Variants in MTMR3 observed in about 807,000 individuals in gnomAD.
MTMR3 encodes myotubularin related protein 3.
MTMR3 carries 32 observed loss-of-function variants against 132.4 expected under a neutral mutation model. The observed-to-expected ratio is 0.24, with a 90% CI of 0.18 to 0.32. The LOEUF is 0.32. Among genes scored for constraint, MTMR3 ranks in the 10% least tolerant of loss-of-function variants. The pLI, the probability that MTMR3 is intolerant of heterozygous loss-of-function variation, is 1.00. For synonymous variants in MTMR3, 556 were observed against 550.3 expected (o/e 1.01, Z -0.14); for missense variants, 1,216 against 1,489.6 (o/e 0.82, Z 3.02).
intron 1 of MTMR3, among the ~76,000 whole-genome samples, chr22:29,899,397 G>T (rs1469359729): frequency 6.6e-6 from 1 of 152,146 alleles, no homozygotes; most frequent in Non-Finnish European, 1.5e-5. Context: ...ATGTTATTGT[G>T]AGTAGAATAT....
chr22:29,885,873 G>T (rs943090014), intron 1 of MTMR3, among the ~76,000 whole-genome samples: 6 of 152,212 alleles, frequency 3.9e-5, no homozygotes, highest in African/African-American at 1.2e-4. Flanking sequence ...GTTTTAGAGG[G>T]GGGTGTGGTG....
intron 1 of MTMR3, among the ~76,000 whole-genome samples, chr22:29,883,732 T>TGG (rs1247974936): frequency 6.6e-6 from 1 of 151,248 alleles, no homozygotes; most frequent in Non-Finnish European, 1.5e-5. Context: ...TCCCGGGAGG[T>TGG]GGGTGTGCGC....
chr22:29,925,597 A>G (rs2065500362), intron 1 of MTMR3, among the ~76,000 whole-genome samples: 1 of 151,318 alleles, frequency 6.6e-6, no homozygotes, highest in South Asian at 2.1e-4. Context: ...TGTAATTCAT[A>G]GGCCATAAAA....
At chr22:29,905,653 T>G (rs1282505858) in intron 1 of MTMR3, among the ~76,000 whole-genome samples, 1 of 152,248 alleles carries the variant, frequency 6.6e-6, no homozygotes, top group Non-Finnish European at 1.5e-5. Context: ...TAAATGAAGT[T>G]GTTTGAATTT....
intron 1 of MTMR3, among the ~76,000 whole-genome samples, chr22:29,940,964 T>C (rs2051797767): frequency 6.7e-6 from 1 of 149,916 alleles, no homozygotes; most frequent in African/African-American, 2.5e-5. Flanking sequence ...ATGATCTTGA[T>C]TTTATGATCT....
intron 1 of MTMR3, among the ~76,000 whole-genome samples, chr22:29,895,295 T>TTTAAA (rs548166211): frequency 0.011 from 1,618 of 152,272 alleles, 31 homozygotes; most frequent in African/African-American, 0.038. Flanking sequence ...GATTGTGAAT[T>TTTAAA]TTAAATCATT....
rs149003322 is a variant in MTMR3, at chr22:30,020,142, T to C, written c.2483T>C (p.Leu828Pro). 3.7e-6 allele frequency: 6 copies of C among 1,614,250 alleles called. No individual in the cohort carries two copies. In the African/African-American group the frequency reaches 8.0e-5, roughly 22 times the overall value. ...TATGGTACCTCACAGTCATGTTCTC[T>C]GCTACCTTCCCAAGTCCCTTTTGAG... ...VGYGTSQSCS[L>P]LPSQVPFETR... Residue 828 changes from leucine (L) to proline (P), a missense_variant, in exon 17 of 20, where the codon CTG becomes CCG. By Grantham distance (98) the Leu-to-Pro change is moderately conservative. Around this residue, in one of 7 missense-constraint regions of MTMR3, gnomAD observed 852 missense variants for 852.0 expected, o/e 1.00. Coordinates refer to ENST00000401950, the MANE Select transcript of MTMR3 (RefSeq NM_021090.4).
chr22:29,919,195 T>G (rs573183260), intron 1 of MTMR3, among the ~76,000 whole-genome samples: 10 of 152,364 alleles, frequency 6.6e-5, no homozygotes, highest in Admixed American at 5.9e-4. Flanking sequence ...GTTTTTTGCT[T>G]CTTGTTCTTC....
intron 1 of MTMR3, among the ~76,000 whole-genome samples, chr22:29,889,515 G>C (rs1383062547): frequency 6.6e-6 from 1 of 151,850 alleles, no homozygotes; most frequent in African/African-American, 2.4e-5. Flanking sequence ...TCGAACTCCT[G>C]ACCTCAGGTG....
chr22:30,017,995 C>T lies in MTMR3; in HGVS notation c.1743C>T (p.Ser581=), dbSNP rs746907543. 24 of 1,613,932 alleles carry T rather than the reference C, an allele frequency of 1.5e-5. 1 individual carries two copies. In the South Asian group the frequency reaches 2.5e-4, roughly 17 times the overall value. Residue 581 remains serine, a synonymous_variant, in exon 16 of 20, where the codon TCC becomes TCT. Transcript: ENST00000401950. Reference sequence around the variant, plus strand: ...GTGCAGTGTACCTGCCCTGCCCATCCCCAACCACCCCTGTGGACGACAGCT... The same window carrying T: ...GTGCAGTGTACCTGCCCTGCCCATCTCCAACCACCCCTGTGGACGACAGCT... ...LWSAVYLPCP[S]PTTPVDDSCA... is the part of the protein sequence containing the mutation.
Position 30,012,383 on chromosome 22 carries a change from T to G in MTMR3, c.1137T>G (p.Leu379=), listed in dbSNP as rs147773147. The G allele has an allele frequency of 1.9e-6, 3 of 1,613,668 alleles. No homozygotes were observed. Among genetic ancestry groups the G allele is most frequent in the Non-Finnish European group, 2.5e-6 (3 of 1,179,864 alleles). ...MPDPGNWLSA[L]ESTKWLHHLS... is the part of the protein sequence containing the mutation. ...GTTTTTATAGTTGGCTATCAGCTCTTGAAAGCACAAAATGGCTCCATCACT... is the reference window on the plus strand; with the variant it reads ...GTTTTTATAGTTGGCTATCAGCTCTGGAAAGCACAAAATGGCTCCATCACT... Residue 379 remains leucine (L), a synonymous_variant, in exon 13 of 20, where the codon CTT becomes CTG. Coordinates refer to ENST00000401950, the MANE Select transcript of MTMR3 (RefSeq NM_021090.4).
At chr22:29,949,686 C>A (rs1215775631) in intron 1 of MTMR3, among the ~76,000 whole-genome samples, 6 of 151,888 alleles carry the variant, frequency 4.0e-5, no homozygotes, top group Admixed American at 2.6e-4. Context: ...TAAAACTACT[C>A]CTCTTCGTGG....
At chr22:29,957,688 A>C (rs1413955930) in intron 2 of MTMR3, among the ~76,000 whole-genome samples, 1 of 152,006 alleles carries the variant, frequency 6.6e-6, no homozygotes, top group Non-Finnish European at 1.5e-5. Flanking sequence ...TTTAAATTCA[A>C]ACTTGCTTCT....
chr22:29,948,461 A>T (rs1796824407), intron 1 of MTMR3, among the ~76,000 whole-genome samples: 1 of 152,322 alleles, frequency 6.6e-6, no homozygotes, highest in East Asian at 1.9e-4. Flanking sequence ...ACTGATAGAT[A>T]TTTTTTTAGT....
At chr22:29,925,732 A>G (rs1029985442) in intron 1 of MTMR3, among the ~76,000 whole-genome samples, 2 of 151,918 alleles carry the variant, frequency 1.3e-5, no homozygotes, top group Non-Finnish European at 2.9e-5. Flanking sequence ...CCTGGCCAAC[A>G]AGACGAACCC....
chr22:29,886,457 C>A (rs950388309), intron 1 of MTMR3, among the ~76,000 whole-genome samples: 2 of 152,160 alleles, frequency 1.3e-5, no homozygotes, highest in Admixed American at 6.6e-5. Flanking sequence ...GATTGACAGA[C>A]ATATATTCTG....
At position 29,935,925 on chromosome 22, in the gene MTMR3, A is replaced by T. The variant is rs541613911; in HGVS notation, c.-137-21111A>T. On this transcript the variant is annotated intron_variant, in intron 1 of 19. Coordinates refer to ENST00000401950, the MANE Select transcript of MTMR3 (RefSeq NM_021090.4). ...CCGCCACCACGCCTGGCTAATTTTTAGTATTTTTAGTAGAGACGGGGTTTC... is the reference window on the plus strand; with the variant it reads ...CCGCCACCACGCCTGGCTAATTTTTTGTATTTTTAGTAGAGACGGGGTTTC... 4.5e-3 allele frequency among the ~76,000 whole-genome samples: 676 copies of T among 151,708 alleles called. 6 individuals carry two copies. Among genetic ancestry groups the T allele is most frequent in the African/African-American group, 0.015 (638 of 41,348 alleles).
intron 7 of MTMR3, chr22:29,996,168 A>G (rs2067056259): frequency 6.6e-6 from 1 of 152,226 alleles, no homozygotes; most frequent in Non-Finnish European, 1.5e-5. Context: ...TGTTTGTTGT[A>G]TTGTGTTGTA....
At position 29,978,535 on chromosome 22, in the gene MTMR3, A is replaced by T. The variant is rs1186082110; in HGVS notation, c.93+4A>T. On this transcript the variant is annotated splice_donor_region_variant and intron_variant, in intron 4 of 19. Coordinates refer to ENST00000401950, the MANE Select transcript of MTMR3 (RefSeq NM_021090.4). Reference sequence around the variant, plus strand: ...CCGGGAGGATGAGAATCTTCAGGTAATTATAGGCCACTTTTAAATGTAAAA... The same window carrying T: ...CCGGGAGGATGAGAATCTTCAGGTATTTATAGGCCACTTTTAAATGTAAAA... 1.2e-6 allele frequency: 2 copies of T among 1,607,950 alleles called. No homozygotes were observed. Among genetic ancestry groups the T allele is most frequent in the South Asian group, 2.2e-5 (2 of 90,886 alleles).
Sources: gnomAD v4.1 joint callset for allele counts (sites outside exome capture counted in the v4.1 genomes callset) on GRCh38, gnomAD v4.1.1 for gene constraint, gnomAD v4.1.1 regional missense constraint, MANE v1.5 for transcripts, NCBI Gene and HGNC (gene_info 2026-07-23, HGNC 2026-07-21) for gene names.